Variants in ATXN3 observed in about 807,000 individuals in gnomAD.
The protein encoded by ATXN3 is ataxin 3, also known as ataxin-3.
ATXN3 carries 28 observed loss-of-function variants against 58.2 expected under a neutral mutation model. That is an observed-to-expected ratio of 0.48 (90% CI 0.36 to 0.66). The LOEUF (loss-of-function observed/expected upper bound fraction) is 0.66. Among genes scored for constraint, ATXN3 ranks in the 30% least tolerant of loss-of-function variants. The pLI, the probability that ATXN3 is intolerant of heterozygous loss-of-function variation, is 0.00. For synonymous variants in ATXN3, 113 were observed against 138.5 expected, an observed-to-expected ratio of 0.82 and a Z score of 1.29; for missense variants, 321 against 422.1, an observed-to-expected ratio of 0.76 and a Z score of 2.10.
At chr14:92,053,981 G>A (rs545553914), downstream of ATXN3, among the ~76,000 whole-genome samples, 1 of 151,872 alleles carries the variant, frequency 6.6e-6, no homozygotes, top group East Asian at 1.9e-4. Context: ...TGTCATCCAG[G>A]CTGGAGTGCA....
chr14:92,069,566 T>G (rs1044513379), intron 10 of ATXN3, among the ~76,000 whole-genome samples: 9 of 151,922 alleles, frequency 5.9e-5, no homozygotes, highest in African/African-American at 2.2e-4. Context: ...AGAGACAGGG[T>G]TTTGCCATGT....
chr14:92,069,101 G>A (rs1365053459), intron 10 of ATXN3, among the ~76,000 whole-genome samples: 1 of 83,550 alleles, frequency 1.2e-5, no homozygotes, highest in Admixed American at 9.5e-5. Context: ...TTTTTGAGAA[G>A]GAGTTTTGGT....
At chr14:92,078,198 C>T (rs1309298503) in intron 9 of ATXN3, among the ~76,000 whole-genome samples, 1 of 151,926 alleles carries the variant, frequency 6.6e-6, no homozygotes, top group Non-Finnish European at 1.5e-5. Context: ...TGGTCTTGTA[C>T]TCCTGACCCT....
intron 9 of ATXN3, among the ~76,000 whole-genome samples, chr14:92,080,018 G>A (rs973981085): frequency 8.5e-5 from 13 of 152,060 alleles, no homozygotes; most frequent in African/African-American, 2.2e-4. Context: ...GATTACAGAC[G>A]TAAGCCACCG....
downstream of ATXN3, chr14:92,058,386 C>G (rs2057513331): frequency 1.3e-5 from 2 of 152,162 alleles, no homozygotes; most frequent in African/African-American, 4.8e-5. Context: ...GGCTAGAATT[C>G]AGTGGCAGGA....
upstream of ATXN3, among the ~76,000 whole-genome samples, chr14:92,051,521 C>A (rs888312033): frequency 6.6e-6 from 1 of 151,818 alleles, no homozygotes; most frequent in Non-Finnish European, 1.5e-5. Flanking sequence ...CTCTTTATTT[C>A]TGATGCTCTG....
At chr14:92,046,441 G>A (rs939357940) in intron 2 of ATXN3, 2 of 152,206 alleles carry the variant, frequency 1.3e-5, no homozygotes, top group Admixed American at 1.3e-4. Context: ...AATAATGTGG[G>A]GGCTAGCCTA....
chr14:92,067,167 G>A (rs2058603395), intron 10 of ATXN3, among the ~76,000 whole-genome samples: 1 of 152,044 alleles, frequency 6.6e-6, no homozygotes, highest in South Asian at 2.1e-4. Context: ...CATTCAAATT[G>A]CTTAGGTAAG....
chr14:92,055,469 C>A (rs562330058), downstream of ATXN3, among the ~76,000 whole-genome samples: 1 of 152,250 alleles, frequency 6.6e-6, no homozygotes, highest in South Asian at 2.1e-4. The surrounding 1 kb of genome is among the most constrained non-coding windows in gnomAD (Gnocchi z 4.5). Flanking sequence ...GAACTTTTTT[C>A]ATCTTCCCAA....
Position 92,096,485 on chromosome 14 carries a change from A to C in ATXN3, c.189+189T>G. ...CAAAGATACAAAAAATTAGCCGGGC[A>C]TAGTGCCGTGTGCCTGTAATCCCAG... On this transcript the variant is annotated intron_variant, in intron 2 of 10. Coordinates refer to ENST00000644486, the MANE Select transcript of ATXN3 (RefSeq NM_004993.6). 5.3e-6 allele frequency: 4 copies of C among 751,010 alleles called. No homozygotes were observed. In the South Asian group the frequency reaches 7.7e-5, roughly 14 times the overall value. The allele number at this position is 751,010 out of a possible 1,614,324, so 46.5% of individuals were successfully genotyped here.
chr14:92,096,885 A>T, intron 1 of ATXN3, 47 bp from the exon 2 acceptor site: 1 of 1,494,950 alleles, frequency 6.7e-7, no homozygotes, highest in Non-Finnish European at 9.3e-7. Flanking sequence ...GTTAAACAGA[A>T]TTGTATAGTA....
At chr14:92,096,281 T>G (rs1448036655) in intron 2 of ATXN3, 144 bp from the exon 3 acceptor site, 1 of 1,545,214 alleles carries the variant, frequency 6.5e-7, no homozygotes, top group East Asian at 2.4e-5. Context: ...ACCAGTCAGA[T>G]CCCTATAGGA....
In ATXN3 at chr14:92,059,589, G is replaced by A. The variant is rs1184831288; in HGVS notation, c.*4731C>T. 2 of 152,228 alleles carry A rather than the reference G, an allele frequency of 1.3e-5. No homozygotes were observed. Among genetic ancestry groups the A allele is most frequent in the East Asian group, 3.9e-4 (2 of 5,148 alleles). 9.4% of individuals were successfully genotyped at this position (152,228 alleles called of 1,614,324 possible). A position where few individuals can be genotyped will look rare whatever the true frequency, so the allele number is the denominator to read the frequency against. ...TAATCCCAGCACTTTGGGAGGCCAAGGCAGGCAGATCACCTGAGGTCAGGA... is the reference window on the plus strand; with the variant it reads ...TAATCCCAGCACTTTGGGAGGCCAAAGCAGGCAGATCACCTGAGGTCAGGA... On this transcript the variant is annotated 3_prime_UTR_variant, in exon 11 of 11. Transcript: ENST00000644486.
chr14:92,096,634 A>C (rs755481959), intron 2 of ATXN3, 40 bp downstream of exon 2: 1 of 1,570,476 alleles, frequency 6.4e-7, no homozygotes, highest in East Asian at 2.2e-5. Context: ...AAAAAAAAAA[A>C]AAAAAAAGAA....
At chr14:92,102,431 A>C (rs2067051530) in intron 1 of ATXN3, among the ~76,000 whole-genome samples, 1 of 152,188 alleles carries the variant, frequency 6.6e-6, no homozygotes, top group Non-Finnish European at 1.5e-5. Context: ...ACTGCTACCA[A>C]ATCATTTACC....
At chr14:92,070,664 T>G (rs1392292841) in intron 10 of ATXN3, 1 of 826,594 alleles carries the variant, frequency 1.2e-6, no homozygotes, top group East Asian at 2.7e-5. Flanking sequence ...TGTTAAAGTA[T>G]TCATTAAATG....
At chr14:92,057,234 G>A (rs1332438950), downstream of ATXN3, among the ~76,000 whole-genome samples, 1 of 152,162 alleles carries the variant, frequency 6.6e-6, no homozygotes. Flanking sequence ...TGGCCAACAT[G>A]GTGAAACCGC....
intron 10 of ATXN3, among the ~76,000 whole-genome samples, chr14:92,066,139 G>T (rs2058364132): frequency 6.6e-6 from 1 of 151,950 alleles, no homozygotes; most frequent in Non-Finnish European, 1.5e-5. Context: ...ATGCCCAGGA[G>T]TATAGATGCT....
intron 6 of ATXN3, among the ~76,000 whole-genome samples, chr14:92,085,967 G>A (rs918403837): frequency 1.7e-4 from 26 of 151,990 alleles, no homozygotes; most frequent in Admixed American, 3.3e-4. Context: ...AGGAACCAAG[G>A]TTTTAAATAT....
Sources: gnomAD v4.1 joint callset for allele counts (sites outside exome capture counted in the v4.1 genomes callset) on GRCh38, gnomAD v4.1.1 for gene constraint, Gnocchi (gnomAD v3.1) non-coding constraint, MANE v1.5 for transcripts, NCBI Gene and HGNC (gene_info 2026-07-23, HGNC 2026-07-21) for gene names.